Variants in TMEM182 observed in about 807,000 individuals in gnomAD.
TMEM182 encodes transmembrane protein 182.
Under a neutral mutation model 26.8 loss-of-function variants are expected in TMEM182, and 20 were observed. The ratio of observed to expected loss-of-function variants is 0.75; its 90% confidence interval spans 0.53 to 1.09. TMEM182 has a LOEUF of 1.09. Among genes scored for constraint, TMEM182 ranks in the 50% least tolerant of loss-of-function variants. The probability of loss-of-function intolerance (pLI) is 0.00; values close to 1 mark genes in which losing one functional copy is unlikely to be tolerated. For missense variants in TMEM182, 277 were observed against 275.5 expected (o/e 1.01, Z -0.04); for synonymous variants, 109 against 102.2 (o/e 1.07, Z -0.40).
chr2:102,806,604 A>G (rs1254259936), intron 4 of TMEM182, among the ~76,000 whole-genome samples: 1 of 152,206 alleles, frequency 6.6e-6, no homozygotes, highest in Non-Finnish European at 1.5e-5. Context: ...CTGATGCTTT[A>G]GAAGATTTCA....
chr2:102,827,302 GC>G (rs1683052312), intron 3 of TMEM182, among the ~76,000 whole-genome samples: 1 of 152,188 alleles, frequency 6.6e-6, no homozygotes, highest in African/African-American at 2.4e-5. Flanking sequence ...TGCTCACAAT[GC>G]AGGGGAAATT....
chr2:102,739,085 A>G (rs1366027977), intron 1 of TMEM182, among the ~76,000 whole-genome samples: 3 of 152,218 alleles, frequency 2.0e-5, no homozygotes, highest in African/African-American at 4.8e-5. Flanking sequence ...TAGGCCAGGT[A>G]TAGCCATAGA....
chr2:102,763,635 G>T (rs919955813), intron 2 of TMEM182, among the ~76,000 whole-genome samples: 1 of 152,170 alleles, frequency 6.6e-6, no homozygotes, highest in African/African-American at 2.4e-5. Context: ...GGATTTGGGG[G>T]CAGGAGAATA....
intron 4 of TMEM182, among the ~76,000 whole-genome samples, chr2:102,799,025 A>G (rs909856673): frequency 6.6e-6 from 1 of 152,232 alleles, no homozygotes; most frequent in African/African-American, 2.4e-5. Flanking sequence ...TTTTCATTTA[A>G]TTAGGCAGTG....
At chr2:102,768,532 A>AG (rs1335458612) in intron 3 of TMEM182, among the ~76,000 whole-genome samples, 1 of 141,162 alleles carries the variant, frequency 7.1e-6, no homozygotes, top group Non-Finnish European at 1.6e-5. Flanking sequence ...CTAAAAAAAA[A>AG]AAAAACACAC....
Position 102,817,283 on chromosome 2 carries a change from C to G in TMEM182, c.*2315C>G. 1.0e-6 allele frequency: 1 copy of G among 985,274 alleles called. No homozygotes were observed. Among genetic ancestry groups the G allele is most frequent in the Non-Finnish European group, 1.2e-6 (1 of 829,842 alleles). The allele number at this position is 985,274 out of a possible 1,614,324, so 61.0% of individuals were successfully genotyped here. ...TTATTAATTTTTAGAAGCCTTTAAA[C>G]TGTGTTAGAATCTTTTTGAAAAATG... On this transcript the variant is annotated 3_prime_UTR_variant, in exon 5 of 5. Transcript: ENST00000412401.
chr2:102,738,313 G>A (rs1282666310), intron 1 of TMEM182, among the ~76,000 whole-genome samples: 1 of 152,268 alleles, frequency 6.6e-6, no homozygotes, highest in Admixed American at 6.5e-5. Flanking sequence ...TGGAAGTCAC[G>A]GCCAGGCGCG....
At chr2:102,828,453 G>T (rs1683085780) in intron 3 of TMEM182, among the ~76,000 whole-genome samples, 1 of 152,170 alleles carries the variant, frequency 6.6e-6, no homozygotes, top group Admixed American at 6.5e-5. Flanking sequence ...GAAGAGCAAG[G>T]TCGCCAGCTC....
In TMEM182 at chr2:102,739,228, C is replaced by T. The variant is rs1427047269; in HGVS notation, c.-83+2215C>T. The stretch of plus-strand genomic sequence containing the variant: ...ACTTTTAAGGTCAGCAGGAGTGTAC[C>T]AGTCACCAGAATGCCTTGACCTGCA... On this transcript the variant is annotated intron_variant, in intron 1 of 5. Transcript: ENST00000409173. Among the ~76,000 whole-genome samples the T allele has an allele frequency of 2.0e-5, 3 of 152,226 alleles. No homozygotes were observed. In the East Asian group the frequency reaches 5.8e-4, roughly 29 times the overall value.
At chr2:102,800,127 G>T (rs1209667317) in intron 4 of TMEM182, among the ~76,000 whole-genome samples, 1 of 152,002 alleles carries the variant, frequency 6.6e-6, no homozygotes, top group East Asian at 1.9e-4. Context: ...GCTCTTCATT[G>T]TAAAAGCCTT....
chr2:102,826,806 C>G (rs577205138), intron 3 of TMEM182, among the ~76,000 whole-genome samples: 4 of 151,896 alleles, frequency 2.6e-5, no homozygotes, highest in Non-Finnish European at 2.9e-5. Flanking sequence ...GGGAGCGGGT[C>G]GCAATAGTAA....
At position 102,762,699 on chromosome 2, in the gene TMEM182, T is replaced by G. The variant is rs368116221; in HGVS notation, c.232+13T>G. On this transcript the variant is annotated intron_variant, in intron 2 of 4. Coordinates refer to ENST00000412401, the MANE Select transcript of TMEM182 (RefSeq NM_144632.5). ...AAGTTCTGGTACAGTAAGTACAATT[T>G]AGCTTTATTTTCCCTCTTGTCTGTA... The G allele has an allele frequency of 9.0e-5, 144 of 1,601,880 alleles. No homozygotes were observed. The highest frequency in any genetic ancestry group is 1.2e-4 in the Non-Finnish European group (141 of 1,170,850).
intron 3 of TMEM182, among the ~76,000 whole-genome samples, chr2:102,824,295 G>T (rs1025934578): frequency 6.6e-6 from 1 of 152,160 alleles, no homozygotes; most frequent in African/African-American, 2.4e-5. Context: ...CCTGTCCTCA[G>T]TGATTGTTTG....
chr2:102,797,710 T>A (rs1279860438), intron 3 of TMEM182, 153 bp from the exon 4 acceptor site: 2 of 857,138 alleles, frequency 2.3e-6, no homozygotes, highest in African/African-American at 3.4e-5. Flanking sequence ...TAAGATCTCC[T>A]GTTTGTTCAG....
At chr2:102,828,807 G>T (rs1003569426) in intron 3 of TMEM182, among the ~76,000 whole-genome samples, 4 of 152,168 alleles carry the variant, frequency 2.6e-5, no homozygotes, top group African/African-American at 9.7e-5. Context: ...CCAGGGCAGG[G>T]TCACTTTTAT....
chr2:102,821,236 A>G (rs888146787), downstream of TMEM182, among the ~76,000 whole-genome samples: 4 of 152,226 alleles, frequency 2.6e-5, no homozygotes, highest in African/African-American at 9.6e-5. Flanking sequence ...TATGACCTGC[A>G]CAAGTGCATA....
intron 1 of TMEM182, among the ~76,000 whole-genome samples, chr2:102,745,485 T>C (rs774299826): frequency 8.5e-5 from 13 of 152,136 alleles, no homozygotes; most frequent in Non-Finnish European, 1.8e-4. Context: ...ATTATTAAGA[T>C]ATAATTCACA....
intron 3 of TMEM182, among the ~76,000 whole-genome samples, chr2:102,776,798 T>A (rs1006210245): frequency 6.6e-6 from 1 of 152,206 alleles, no homozygotes; most frequent in African/African-American, 2.4e-5. Context: ...TTGTTCTATA[T>A]CCTTGTCAGC....
At chr2:102,788,166 G>T (rs1681477733) in intron 3 of TMEM182, among the ~76,000 whole-genome samples, 1 of 152,206 alleles carries the variant, frequency 6.6e-6, no homozygotes, top group Non-Finnish European at 1.5e-5. Context: ...GTGTAACAGG[G>T]ATTACACAGT....
Sources: allele counts gnomAD v4.1 joint callset (sites outside exome capture counted in the v4.1 genomes callset), GRCh38; gene constraint gnomAD v4.1.1; transcripts MANE v1.5; gene names NCBI Gene and HGNC (gene_info 2026-07-23, HGNC 2026-07-21).